The following GGNBP2 variants were observed in gnomAD, a reference collection of about 807,000 sequenced individuals.
The protein encoded by GGNBP2 is gametogenetin-binding protein 2.
Under a neutral mutation model 85.9 loss-of-function variants are expected in GGNBP2, and 10 were observed. The observed-to-expected ratio is 0.12, with a 90% CI of 0.07 to 0.20. The LOEUF is 0.20. Among genes scored for constraint, GGNBP2 ranks in the 10% least tolerant of loss-of-function variants. The pLI, the probability that GGNBP2 is intolerant of heterozygous loss-of-function variation, is 1.00. For synonymous variants in GGNBP2, 287 were observed against 285.7 expected (o/e 1.00, Z -0.05); for missense variants, 595 against 857.8 (o/e 0.69, Z 3.83).
intron 6 of GGNBP2, among the ~76,000 whole-genome samples, chr17:36,569,667 C>G (rs1026787615): frequency 6.6e-6 from 1 of 152,162 alleles, no homozygotes; most frequent in Non-Finnish European, 1.5e-5. Context: ...TAAAAACTTT[C>G]TTTCTTTGCC....
intron 6 of GGNBP2, 148 bp downstream of exon 6, chr17:36,567,924 G>T: frequency 2.1e-6 from 1 of 471,854 alleles, no homozygotes. Flanking sequence ...ATTAGAGTAG[G>T]CAGTTCCTTT....
chr17:36,548,939 C>T (rs536017910), intron 2 of GGNBP2, among the ~76,000 whole-genome samples: 3 of 151,412 alleles, frequency 2.0e-5, no homozygotes, highest in African/African-American at 4.8e-5. Context: ...AGTGAAACTC[C>T]GTTTCAAAAA....
At chr17:36,561,624 ATATT>A (rs1274412692) in intron 5 of GGNBP2, among the ~76,000 whole-genome samples, 1 of 151,468 alleles carries the variant, frequency 6.6e-6, no homozygotes, top group Non-Finnish European at 1.5e-5. Context: ...GTAGTTTTCT[ATATT>A]TATTATTATT....
intron 9 of GGNBP2, chr17:36,581,807 C>G (rs967801892): frequency 2.5e-5 from 6 of 243,456 alleles, no homozygotes; most frequent in African/African-American, 1.1e-4. Context: ...CCTGTAGATA[C>G]CAAAATCTGC....
At chr17:36,574,850 G>T in intron 6 of GGNBP2, 1 of 702,670 alleles carries the variant, frequency 1.4e-6, no homozygotes, top group Non-Finnish European at 2.6e-6. Context: ...TCTGTGCACA[G>T]GGACAATAGA....
chr17:36,581,163 T>C (rs1214738335), intron 8 of GGNBP2, among the ~76,000 whole-genome samples, 181 bp from the exon 9 acceptor site: 1 of 151,866 alleles, frequency 6.6e-6, no homozygotes, highest in Non-Finnish European at 1.5e-5. Context: ...CGGGCACCTG[T>C]AGTCCCAGCT....
intron 6 of GGNBP2, chr17:36,576,676 T>C (rs929357298): frequency 1.4e-5 from 2 of 145,268 alleles, no homozygotes; most frequent in Non-Finnish European, 1.5e-5. Flanking sequence ...TATGTGTATA[T>C]ATATATATAT....
At chr17:36,560,077 T>C (rs1168896895) in intron 4 of GGNBP2, among the ~76,000 whole-genome samples, 2 of 152,142 alleles carry the variant, frequency 1.3e-5, no homozygotes, top group African/African-American at 4.8e-5. Context: ...GGCCTCAGTC[T>C]CCCAAAGTGC....
intron 2 of GGNBP2, among the ~76,000 whole-genome samples, chr17:36,551,839 A>T (rs546317753): frequency 7.2e-5 from 11 of 152,176 alleles, no homozygotes; most frequent in African/African-American, 2.6e-4. Context: ...CAAAAAAAAA[A>T]TTTTACAAAT....
At chr17:36,583,045 A>G (rs2074666517) in intron 9 of GGNBP2, among the ~76,000 whole-genome samples, 1 of 152,152 alleles carries the variant, frequency 6.6e-6, no homozygotes. Context: ...TCATCTTAAA[A>G]GGAATAAGCT....
intron 6 of GGNBP2, 193 bp from the exon 7 acceptor site, chr17:36,577,790 A>G (rs1475569994): frequency 1.2e-5 from 7 of 600,800 alleles, no homozygotes; most frequent in East Asian, 5.5e-5. Context: ...TAATTTGCCA[A>G]TGAAGGTCTA....
At chr17:36,574,939 A>T in intron 6 of GGNBP2, 1 of 1,147,924 alleles carries the variant, frequency 8.7e-7, no homozygotes, top group Non-Finnish European at 1.3e-6. Flanking sequence ...CGATGTGGCC[A>T]TTGTAGTCCA....
chr17:36,588,717 A>G (rs1250333497), intron 13 of GGNBP2, among the ~76,000 whole-genome samples: 1 of 152,002 alleles, frequency 6.6e-6, no homozygotes, highest in Admixed American at 6.6e-5. Flanking sequence ...CTCCTGCCTC[A>G]GCCTCCCAAA....
intron 6 of GGNBP2, among the ~76,000 whole-genome samples, chr17:36,570,112 T>G (rs1418358767): frequency 1.3e-5 from 2 of 152,206 alleles, no homozygotes; most frequent in African/African-American, 4.8e-5. Context: ...GCATGGTGGC[T>G]CACAACTGTA....
At chr17:36,545,182 T>TGGGCAACTGCAGTCCTGG (rs2074236961) in intron 1 of GGNBP2, 85 bp downstream of exon 1, 1 of 153,248 alleles carries the variant, frequency 6.5e-6, no homozygotes, top group Non-Finnish European at 1.5e-5. Flanking sequence ...GGGGTCGCGC[T>TGGGCAACTGCAGTCCTGG]GGGCAACTGC....
intron 2 of GGNBP2, chr17:36,547,150 C>T (rs1227048319): frequency 6.6e-6 from 1 of 152,078 alleles, no homozygotes; most frequent in African/African-American, 2.4e-5. Context: ...GTACTTTTTG[C>T]ATTAGAAGTA....
At chr17:36,558,414 CAA>C (rs755597241) in intron 4 of GGNBP2, among the ~76,000 whole-genome samples, 26 of 18,964 alleles carry the variant, frequency 1.4e-3, no homozygotes, top group African/African-American at 4.1e-3. Context: ...AGCTCCATCT[CAA>C]AAAAAAAAAA....
chr17:36,587,581 AGTT>A, intron 13 of GGNBP2: 1 of 244,114 alleles, frequency 4.1e-6, no homozygotes, highest in Non-Finnish European at 8.2e-6. Flanking sequence ...CCCTTTGTAA[AGTT>A]AAAAAAAAAA....
chr17:36,574,829 C>T (rs2074560520), intron 6 of GGNBP2: 3 of 683,160 alleles, frequency 4.4e-6, no homozygotes, highest in African/African-American at 1.8e-5. Context: ...GATCTTGTTC[C>T]CCCAGTAGCC....
Sources: gnomAD v4.1 joint callset for allele counts (sites outside exome capture counted in the v4.1 genomes callset) on GRCh38, gnomAD v4.1.1 for gene constraint, MANE v1.5 for transcripts, NCBI Gene and HGNC (gene_info 2026-07-23, HGNC 2026-07-21) for gene names.